Variants in SDK2 observed in about 807,000 individuals in gnomAD.
SDK2 encodes the protein sidekick cell adhesion molecule 2, also known as protein sidekick-2.
SDK2 carries 105 observed loss-of-function variants against 253.9 expected under a neutral mutation model. That is an observed-to-expected ratio of 0.41 (90% CI 0.35 to 0.49). SDK2 has a LOEUF of 0.49. SDK2 is among the 20% of genes least tolerant of loss of function. The probability of loss-of-function intolerance (pLI) is 0.06; values close to 1 mark genes in which losing one functional copy is unlikely to be tolerated. For missense variants in SDK2, 2,608 were observed against 3,003.0 expected (o/e 0.87, Z 3.07); for synonymous variants, 1,249 against 1,234.9 (o/e 1.01, Z -0.24).
intron 1 of SDK2, among the ~76,000 whole-genome samples, chr17:73,608,979 A>G (rs2045941624): frequency 6.6e-6 from 1 of 152,182 alleles, no homozygotes; most frequent in Non-Finnish European, 1.5e-5. Flanking sequence ...TCTTCCGTTA[A>G]TCAGATTCTT....
At chr17:73,405,467 CAT>C (rs1166184210) in intron 18 of SDK2, among the ~76,000 whole-genome samples, 9 of 6,034 alleles carry the variant, frequency 1.5e-3, no homozygotes, top group African/African-American at 6.6e-3. Flanking sequence ...AACAAAAAAC[CAT>C]ATATATATAT....
chr17:73,484,068 T>C (rs1013148917), intron 2 of SDK2, among the ~76,000 whole-genome samples: 7 of 152,038 alleles, frequency 4.6e-5, no homozygotes, highest in African/African-American at 1.2e-4. Context: ...TCGATTACAA[T>C]TGTGCTTTAG....
chr17:73,421,614 C>T (rs1298954247), intron 15 of SDK2, among the ~76,000 whole-genome samples: 1 of 112,282 alleles, frequency 8.9e-6, no homozygotes, highest in African/African-American at 3.5e-5. Flanking sequence ...CTTGCTCTGT[C>T]ATCCAGGCTG....
intron 14 of SDK2, 116 bp from the exon 15 acceptor site, chr17:73,422,550 C>G: frequency 3.3e-6 from 4 of 1,225,200 alleles, no homozygotes; most frequent in Non-Finnish European, 4.7e-6. Context: ...GAGAGCCTCC[C>G]CAGCTTGGTG....
intron 3 of SDK2, among the ~76,000 whole-genome samples, chr17:73,463,149 T>G (rs2063575173): frequency 6.6e-6 from 1 of 152,162 alleles, no homozygotes; most frequent in South Asian, 2.1e-4. Context: ...GTTAAGGGCT[T>G]GCCACACTGA....
At chr17:73,633,954 G>T (rs2046300310) in intron 1 of SDK2, among the ~76,000 whole-genome samples, 1 of 152,158 alleles carries the variant, frequency 6.6e-6, no homozygotes, top group South Asian at 2.1e-4. Flanking sequence ...AGGCTGGCGT[G>T]GGGACAGGTG....
rs2062987390 is a variant in SDK2 at position 73,398,131 on chromosome 17, A to G, written c.3258T>C (p.Ser1086=). 6.2e-7 allele frequency: 1 copy of G among 1,613,700 alleles called. No homozygotes were observed. The highest frequency in any genetic ancestry group is 8.5e-7 in the Non-Finnish European group (1 of 1,179,870). The part of the protein sequence containing the change: ...IVGTSPPSQP[S]RKIQTLQAPP... ...GTGCCTGCAGGGTCTGGATCTTTCT[A>G]GAAGGCTGACTGGGGGGGCTGGTGC... Residue 1086 remains serine (S), a synonymous_variant, in exon 24 of 45, where the codon TCT becomes TCC. Transcript: ENST00000392650.
intron 36 of SDK2, among the ~76,000 whole-genome samples, chr17:73,372,325 C>T (rs2062740631): frequency 6.6e-6 from 1 of 152,168 alleles, no homozygotes. Context: ...GATGGGTAAC[C>T]AGGAGTCTGC....
chr17:73,495,296 G>C (rs145455622), intron 2 of SDK2, among the ~76,000 whole-genome samples: 192 of 152,334 alleles, frequency 1.3e-3, no homozygotes, highest in African/African-American at 4.1e-3. Flanking sequence ...TTCTCAATGG[G>C]GGTGCTGTTG....
At chr17:73,425,073 T>G (rs1599554296) in intron 12 of SDK2, among the ~76,000 whole-genome samples, 1 of 151,898 alleles carries the variant, frequency 6.6e-6, no homozygotes, top group African/African-American at 2.4e-5. Flanking sequence ...TACAGAAATT[T>G]GCCGGGCGTG....
At chr17:73,408,218 A>AT (rs1315820128) in intron 18 of SDK2, among the ~76,000 whole-genome samples, 4,555 of 129,546 alleles carry the variant, frequency 0.035, 281 homozygotes, top group African/African-American at 0.11. Context: ...CACCTGGCTA[A>AT]TTTTTTTTTT....
chr17:73,589,053 G>T (rs2045645583), intron 1 of SDK2, among the ~76,000 whole-genome samples: 1 of 152,274 alleles, frequency 6.6e-6, no homozygotes, highest in African/African-American at 2.4e-5. Context: ...ACCTTGCATG[G>T]AGAGAGGCTT....
intron 4 of SDK2, among the ~76,000 whole-genome samples, chr17:73,451,603 G>A (rs73996346): frequency 0.022 from 3,379 of 152,270 alleles, 110 homozygotes; most frequent in African/African-American, 0.075. Flanking sequence ...TTTAACTAGT[G>A]CCTGGAGGGA....
Position 73,387,932 on chromosome 17 carries a change from C to T in SDK2, c.4298G>A (p.Arg1433His), listed in dbSNP as rs1159465982. The T allele has an allele frequency of 1.9e-6, 3 of 1,585,860 alleles. No homozygotes were observed. The highest frequency in any genetic ancestry group is 2.6e-6 in the Non-Finnish European group (3 of 1,166,950). ...EPGSDGLSPV[R>H]YYTIQTRELP... ...CTCGCGGGTCTGGATGGTGTAGTAG[C>T]GCACAGGGGAGAGCCCGTCGCTCCC... Residue 1433 changes from arginine (R) to histidine (H), a missense_variant, in exon 30 of 45, where the codon CGC becomes CAC. Physicochemically the swap from Arg to His is conservative, Grantham distance 29. This residue lies in a region of SDK2 where 1,103 missense variants were observed against 1,143.9 expected (regional missense o/e 0.96). Transcript: ENST00000392650.
rs976674175 is a variant in SDK2 at position 73,629,565 on chromosome 17, C to G, written c.64+14460G>C. ...ATGAAAAAGAAGACCCCAGCATTTC[C>G]TAGGGAAGACGGGGGCCCCTCCCAT... On this transcript the variant is annotated intron_variant, in intron 1 of 44. Transcript: ENST00000392650. This position sits in a 1 kb window ranked among gnomAD's most constrained non-coding sequence, Gnocchi z 5.0. Among the ~76,000 whole-genome samples, 1 of 152,130 alleles carries G rather than the reference C, an allele frequency of 6.6e-6. No homozygotes were observed. The highest frequency in any genetic ancestry group is 1.5e-5 in the Non-Finnish European group (1 of 68,018).
At chr17:73,367,029 A>T (rs1280439387) in intron 37 of SDK2, among the ~76,000 whole-genome samples, 1 of 152,092 alleles carries the variant, frequency 6.6e-6, no homozygotes, top group African/African-American at 2.4e-5. Context: ...TTTAAGACAG[A>T]TTATTGCTCT....
chr17:73,639,202 G>A lies in SDK2; in HGVS notation c.64+4823C>T, dbSNP rs2046367422. Among the ~76,000 whole-genome samples the A allele has an allele frequency of 6.6e-6, 1 of 152,164 alleles. No individual in the cohort carries two copies. Among genetic ancestry groups the A allele is most frequent in the Admixed American group, 6.5e-5 (1 of 15,284 alleles). On this transcript the variant is annotated intron_variant, in intron 1 of 44. Transcript: ENST00000392650. This position sits in a 1 kb window ranked among gnomAD's most constrained non-coding sequence, Gnocchi z 4.3. ...CCAGTGATGGAGGCAGGATTCAAAG[G>A]GGCAGAAGCCACGCTGGGAGCCATT...
At chr17:73,492,190 T>C (rs1044685389) in intron 2 of SDK2, among the ~76,000 whole-genome samples, 1 of 152,068 alleles carries the variant, frequency 6.6e-6, no homozygotes, top group African/African-American at 2.4e-5. Context: ...TGGGCACAAC[T>C]TCATGGCCAG....
At chr17:73,608,446 T>C (rs2045934504) in intron 1 of SDK2, among the ~76,000 whole-genome samples, 1 of 152,086 alleles carries the variant, frequency 6.6e-6, no homozygotes, top group South Asian at 2.1e-4. Flanking sequence ...ACTTTTAAAA[T>C]TTCCTTTTAT....
Sources: allele counts gnomAD v4.1 joint callset (sites outside exome capture counted in the v4.1 genomes callset), GRCh38; gene constraint gnomAD v4.1.1; regional missense constraint gnomAD v4.1.1; non-coding constraint Gnocchi (gnomAD v3.1); transcripts MANE v1.5; gene names NCBI Gene and HGNC (gene_info 2026-07-23, HGNC 2026-07-21).